SRGAP2: variants seen among roughly 807,000 people sequenced by gnomAD.
SRGAP2 encodes the protein SLIT-ROBO Rho GTPase activating protein 2, also known as SLIT-ROBO Rho GTPase-activating protein 2.
In SRGAP2, 15 loss-of-function variants were observed where a neutral mutation model predicts 57.2. The observed-to-expected ratio is 0.26, with a 90% CI of 0.18 to 0.40. The LOEUF (loss-of-function observed/expected upper bound fraction) is 0.40. Among genes scored for constraint, SRGAP2 ranks in the 10% least tolerant of loss-of-function variants. The pLI, the probability that SRGAP2 is intolerant of heterozygous loss-of-function variation, is 1.00. For missense variants in SRGAP2, 520 were observed against 669.6 expected, an observed-to-expected ratio of 0.78 and a Z score of 2.47; for synonymous variants, 249 against 248.0, an observed-to-expected ratio of 1.00 and a Z score of -0.04.
At position 206,462,215 on chromosome 1, in the gene SRGAP2, C is replaced by G. The variant is rs1664319091; in HGVS notation, c.*795C>G. 1.3e-5 allele frequency: 2 copies of G among 152,646 alleles called. No homozygotes were observed. The highest frequency in any genetic ancestry group is 4.8e-5 in the African/African-American group (2 of 41,440). The allele number at this position is 152,646 out of a possible 1,614,324, so 9.5% of individuals were successfully genotyped here. A position where few individuals can be genotyped will look rare whatever the true frequency, so the allele number is the denominator to read the frequency against. On this transcript the variant is annotated 3_prime_UTR_variant, in exon 23 of 23. Coordinates refer to ENST00000573034, the MANE Select transcript of SRGAP2 (RefSeq NM_015326.5). ...TTTGCTCTTGCCTCTCCTCCATCCC[C>G]TAGAAGTACACCCCCGTCTTATTAA...
intron 3 of SRGAP2, among the ~76,000 whole-genome samples, chr1:206,332,656 C>T (rs1674451630): frequency 6.9e-6 from 1 of 143,944 alleles, no homozygotes; most frequent in Non-Finnish European, 1.5e-5. Context: ...GTTTTCAGCT[C>T]CATCAGCTCC....
At chr1:206,440,155 C>G in intron 17 of SRGAP2, 74 bp downstream of exon 17, 1 of 735,576 alleles carries the variant, frequency 1.4e-6, no homozygotes, top group South Asian at 1.5e-5. Context: ...TGGACCTATG[C>G]CTATTCATCC....
At chr1:206,282,151 T>C (rs1186074714) in intron 2 of SRGAP2, among the ~76,000 whole-genome samples, 2 of 73,534 alleles carry the variant, frequency 2.7e-5, no homozygotes, top group African/African-American at 6.5e-5. Flanking sequence ...TGGAACCAGA[T>C]TGAATCAAAT....
intron 14 of SRGAP2, among the ~76,000 whole-genome samples, chr1:206,434,238 G>A (rs1661528557): frequency 6.6e-6 from 1 of 152,124 alleles, no homozygotes; most frequent in South Asian, 2.1e-4. Flanking sequence ...ATTCAGGAAG[G>A]CTTAAAGGAA....
intron 21 of SRGAP2, among the ~76,000 whole-genome samples, chr1:206,457,341 C>T (rs942042843): frequency 2.0e-5 from 3 of 152,182 alleles, no homozygotes; most frequent in Non-Finnish European, 2.9e-5. Context: ...GATCTCAGAG[C>T]TCACAGTCTG....
intron 2 of SRGAP2, among the ~76,000 whole-genome samples, chr1:206,274,801 C>T (rs1670321841): frequency 6.6e-6 from 1 of 152,182 alleles, no homozygotes; most frequent in Non-Finnish European, 1.5e-5. Context: ...TGCTGGCAAC[C>T]GTATTATTTT....
intron 3 of SRGAP2, among the ~76,000 whole-genome samples, chr1:206,313,768 A>T: frequency 6.6e-6 from 1 of 151,838 alleles, no homozygotes. Flanking sequence ...CAGTTGCTGC[A>T]GTAGATCATA....
chr1:206,332,963 A>G (rs1227198225), intron 3 of SRGAP2, among the ~76,000 whole-genome samples: 1 of 151,398 alleles, frequency 6.6e-6, no homozygotes, highest in Non-Finnish European at 1.5e-5. Flanking sequence ...GTCTTTGATG[A>G]TGGTGATGTA....
chr1:206,389,419 C>T (rs538465118), intron 5 of SRGAP2, among the ~76,000 whole-genome samples: 1,671 of 152,136 alleles, frequency 0.011, 32 homozygotes, highest in African/African-American at 0.038. Context: ...CCTCGTGATC[C>T]GCCCGCCTGG....
chr1:206,210,403 CTTTTTT>C (rs71568077), intron 2 of SRGAP2, among the ~76,000 whole-genome samples: 4 of 31,802 alleles, frequency 1.3e-4, no homozygotes, highest in Non-Finnish European at 2.5e-4. Context: ...GGGGTCTTGT[CTTTTTT>C]TTTTTTTTTT....
In SRGAP2 at chr1:206,430,182, T is replaced by C; in HGVS notation, c.1515T>C (p.Pro505=). The C allele has an allele frequency of 1.3e-6, 1 of 780,826 alleles. No individual in the cohort carries two copies. Among genetic ancestry groups the C allele is most frequent in the South Asian group, 1.3e-5 (1 of 74,622 alleles). 48.4% of individuals were successfully genotyped at this position (780,826 alleles called of 1,614,324 possible). The change falls in exon 14 of 23, where the codon CCT becomes CCC. Residue 505 remains proline (P), a synonymous_variant. Coordinates refer to ENST00000573034, the MANE Select transcript of SRGAP2 (RefSeq NM_015326.5). ...VRKQDSSQAI[P]LVVESCIRFI... is the part of the protein sequence containing the mutation. ...TTCAGGACTCCAGCCAGGCAATTCC[T>C]CTGGTGGTGGAAAGCTGTATCCGGT...
chr1:206,220,594 A>G (rs1553304455), intron 2 of SRGAP2, among the ~76,000 whole-genome samples: 1 of 152,222 alleles, frequency 6.6e-6, no homozygotes, highest in African/African-American at 2.4e-5. Flanking sequence ...ATAGTATACC[A>G]CAGCCCACCT....
intron 14 of SRGAP2, among the ~76,000 whole-genome samples, chr1:206,432,291 C>T (rs1483025582): frequency 1.3e-5 from 2 of 152,140 alleles, no homozygotes; most frequent in African/African-American, 4.8e-5. Flanking sequence ...TGTGGTGAAG[C>T]TCTGGGGAAA....
Position 206,303,367 on chromosome 1 carries a change from T to A in SRGAP2, c.154T>A (p.Phe52Ile). The A allele has an allele frequency of 1.3e-6, 2 of 1,507,246 alleles. No homozygotes were observed. Among genetic ancestry groups the A allele is most frequent in the Non-Finnish European group, 1.8e-6 (2 of 1,115,278 alleles). The allele number at this position is 1,507,246 out of a possible 1,614,324, so 93.4% of individuals were successfully genotyped here. Reference protein sequence around the residue: ...RVQLLQDLQDFFRKKAEIEMD... With the variant: ...RVQLLQDLQDIFRKKAEIEMD... ...GCAACTGTTGCAGGACCTCCAGGAC[T>A]TCTTCCGAAAGAAGGCAGAGATTGA... The change falls in exon 3 of 23, where the codon TTC (phenylalanine) becomes ATC (isoleucine). Residue 52 changes from phenylalanine (F) to isoleucine (I), a missense_variant. Around this residue, in one of 5 missense-constraint regions of SRGAP2, gnomAD observed 26 missense variants for 202.3 expected, o/e 0.13. Transcript: ENST00000573034.
At chr1:206,279,606 A>T (rs1670614087) in intron 2 of SRGAP2, among the ~76,000 whole-genome samples, 1 of 126,004 alleles carries the variant, frequency 7.9e-6, no homozygotes, top group Admixed American at 7.8e-5. Flanking sequence ...TTTTGTAGAG[A>T]CAAGGTCTCC....
At chr1:206,208,696 G>C (rs1459078711) in intron 2 of SRGAP2, among the ~76,000 whole-genome samples, 1 of 152,194 alleles carries the variant, frequency 6.6e-6, no homozygotes, top group Admixed American at 6.5e-5. Flanking sequence ...GAAGCCCTGG[G>C]TCAGAATTAT....
intron 2 of SRGAP2, among the ~76,000 whole-genome samples, chr1:206,295,304 AC>A (rs1240620954): frequency 2.0e-5 from 3 of 151,626 alleles, no homozygotes; most frequent in Non-Finnish European, 4.4e-5. Context: ...GCTCACTGTA[AC>A]CTCTGCCTCC....
intron 13 of SRGAP2, among the ~76,000 whole-genome samples, chr1:206,429,311 C>T (rs1553367468): frequency 6.6e-6 from 1 of 152,152 alleles, no homozygotes; most frequent in Non-Finnish European, 1.5e-5. Flanking sequence ...CCAAACAAAC[C>T]CTCTTTCTGA....
At chr1:206,410,039 T>G (rs1213702229) in intron 10 of SRGAP2, among the ~76,000 whole-genome samples, 1 of 152,220 alleles carries the variant, frequency 6.6e-6, no homozygotes. Context: ...AAGCGGAGGT[T>G]GCAGTGAGCC....
Sources: gnomAD v4.1 joint callset for allele counts (sites outside exome capture counted in the v4.1 genomes callset) on GRCh38, gnomAD v4.1.1 for gene constraint, gnomAD v4.1.1 regional missense constraint, MANE v1.5 for transcripts, NCBI Gene and HGNC (gene_info 2026-07-23, HGNC 2026-07-21) for gene names.